Variants in TRHDE observed in about 807,000 individuals in gnomAD.
TRHDE encodes thyrotropin releasing hormone degrading enzyme, also known as thyrotropin-releasing hormone-degrading ectoenzyme.
TRHDE carries 72 observed loss-of-function variants against 125.7 expected under a neutral mutation model. That is an observed-to-expected ratio of 0.57 (90% CI 0.47 to 0.70). TRHDE has a LOEUF of 0.70. Among genes scored for constraint, TRHDE ranks in the 30% least tolerant of loss-of-function variants. TRHDE has a pLI of 0.00. For missense variants in TRHDE, 1,110 were observed against 1,327.1 expected, an observed-to-expected ratio of 0.84 and a Z score of 2.54; for synonymous variants, 509 against 509.1, an observed-to-expected ratio of 1.00 and a Z score of 0.00.
At chr12:72,508,467 G>A (rs1487036180) in intron 6 of TRHDE, among the ~76,000 whole-genome samples, 1 of 152,200 alleles carries the variant, frequency 6.6e-6, no homozygotes, top group African/African-American at 2.4e-5. Flanking sequence ...TCACTGCCCT[G>A]CTGGGTTTCA....
Position 72,509,277 on chromosome 12 carries a change from C to G in TRHDE, c.1722+9642C>G, listed in dbSNP as rs866008034. Among the ~76,000 whole-genome samples, 18 of 152,062 alleles carry G rather than the reference C, an allele frequency of 1.2e-4. No homozygotes were observed. The East Asian group carries it at 2.1e-3, about 18-fold the overall frequency. ...AATTCCATAATAACCACCGCACCCC[C>G]CCGCACACACAAAATGATAATAAAA... On this transcript the variant is annotated intron_variant, in intron 6 of 18. Transcript: ENST00000261180.
rs376002465 is a variant in TRHDE, at chr12:72,471,579, G to T, written c.1471-1488G>T. Among the ~76,000 whole-genome samples, 260 of 152,222 alleles carry T rather than the reference G, an allele frequency of 1.7e-3. 3 individuals are homozygous for T. The highest frequency in any genetic ancestry group is 5.9e-3 in the African/African-American group (246 of 41,542). On this transcript the variant is annotated intron_variant, in intron 4 of 18. Transcript: ENST00000261180. Reference sequence around the variant, plus strand: ...AGGAGAAACACTTAAAATAATTTCCGTTGTCATTAACCAATTAATTTCTAT... The same window carrying T: ...AGGAGAAACACTTAAAATAATTTCCTTTGTCATTAACCAATTAATTTCTAT...
intron 15 of TRHDE, among the ~76,000 whole-genome samples, chr12:72,639,825 A>G (rs949373454): frequency 5.5e-4 from 83 of 152,228 alleles, no homozygotes; most frequent in African/African-American, 1.5e-3. Flanking sequence ...GGGGGTCAGC[A>G]GTCAGGGACC....
At chr12:72,096,781 G>C (rs886436051) in intron 1 of TRHDE, among the ~76,000 whole-genome samples, 5 of 152,174 alleles carry the variant, frequency 3.3e-5, no homozygotes, top group African/African-American at 4.8e-5. Context: ...AAAGATCTGG[G>C]ATATAGGCGA....
At chr12:72,468,030 A>G (rs1378662465) in intron 3 of TRHDE, among the ~76,000 whole-genome samples, 1 of 152,190 alleles carries the variant, frequency 6.6e-6, no homozygotes, top group Non-Finnish European at 1.5e-5. Flanking sequence ...AAACATCACT[A>G]TTTAATTCAC....
intron 2 of TRHDE, among the ~76,000 whole-genome samples, chr12:72,337,121 A>T (rs914475574): frequency 2.6e-5 from 4 of 152,228 alleles, no homozygotes; most frequent in African/African-American, 9.6e-5. Flanking sequence ...TAGATGCAAC[A>T]GTGAATGACA....
chr12:72,167,734 C>T (rs1471031916), intron 2 of TRHDE: 1 of 152,186 alleles, frequency 6.6e-6, no homozygotes, highest in African/African-American at 2.4e-5. Flanking sequence ...AAACATATTT[C>T]TCCCATAATT....
At chr12:72,553,428 G>A (rs1382460610) in intron 7 of TRHDE, among the ~76,000 whole-genome samples, 3 of 152,132 alleles carry the variant, frequency 2.0e-5, no homozygotes, top group South Asian at 4.1e-4. Context: ...GAATCTGATA[G>A]ACAAATAACC....
At chr12:72,370,963 G>A (rs893670890) in intron 2 of TRHDE, among the ~76,000 whole-genome samples, 4 of 152,046 alleles carry the variant, frequency 2.6e-5, no homozygotes, top group African/African-American at 7.3e-5. Flanking sequence ...TGCGGGTCTC[G>A]AAATCCTGAC....
chr12:72,594,619 A>G (rs1480633762), intron 12 of TRHDE, among the ~76,000 whole-genome samples: 1 of 151,878 alleles, frequency 6.6e-6, no homozygotes, highest in Non-Finnish European at 1.5e-5. Context: ...TTCATTTAAA[A>G]TTAAAAGTAT....
At chr12:72,202,458 A>G (rs1877579120) in intron 2 of TRHDE, among the ~76,000 whole-genome samples, 1 of 152,230 alleles carries the variant, frequency 6.6e-6, no homozygotes, top group African/African-American at 2.4e-5. Flanking sequence ...AATATAGCTT[A>G]GAAAGTCAAA....
intron 7 of TRHDE, among the ~76,000 whole-genome samples, chr12:72,545,299 A>G (rs1869362267): frequency 6.6e-6 from 1 of 151,564 alleles, no homozygotes; most frequent in African/African-American, 2.4e-5. Flanking sequence ...ATGAGGCAAT[A>G]GAATAAATAA....
chr12:72,348,142 A>G (rs1169925086), intron 2 of TRHDE, among the ~76,000 whole-genome samples: 1 of 152,062 alleles, frequency 6.6e-6, no homozygotes, highest in Non-Finnish European at 1.5e-5. Flanking sequence ...ATATATATAC[A>G]CACACATTGT....
chr12:72,637,923 A>C (rs920356590), intron 15 of TRHDE, among the ~76,000 whole-genome samples: 100 of 152,256 alleles, frequency 6.6e-4, no homozygotes, highest in African/African-American at 2.3e-3. Context: ...TTTACTTCCA[A>C]GTATGTGGTC....
At chr12:72,633,451 T>C (rs1873582548) in intron 15 of TRHDE, among the ~76,000 whole-genome samples, 1 of 152,114 alleles carries the variant, frequency 6.6e-6, no homozygotes, top group African/African-American at 2.4e-5. Flanking sequence ...GACTGTTTTT[T>C]GGACTACCTT....
chr12:72,128,539 C>T (rs79517372), intron 2 of TRHDE, among the ~76,000 whole-genome samples: 6,839 of 152,142 alleles, frequency 0.045, 294 homozygotes, highest in South Asian at 0.11. Flanking sequence ...GATTAAACTA[C>T]GTCATATGTT....
chr12:72,524,585 T>A (rs954836580), intron 6 of TRHDE, among the ~76,000 whole-genome samples: 1 of 152,178 alleles, frequency 6.6e-6, no homozygotes, highest in Non-Finnish European at 1.5e-5. Flanking sequence ...GATGGTAAAT[T>A]CAGTTTTATA....
chr12:72,173,549 G>A (rs556380932), intron 2 of TRHDE, among the ~76,000 whole-genome samples: 28 of 152,212 alleles, frequency 1.8e-4, no homozygotes, highest in African/African-American at 5.8e-4. Flanking sequence ...TATCCCACCC[G>A]CATTGTTCCT....
chr12:72,159,244 G>C (rs1876584982), intron 2 of TRHDE, among the ~76,000 whole-genome samples: 2 of 152,182 alleles, frequency 1.3e-5, no homozygotes, highest in Non-Finnish European at 2.9e-5. Flanking sequence ...ATTAACCACA[G>C]AATATGTTGA....
Sources: allele counts gnomAD v4.1 joint callset (sites outside exome capture counted in the v4.1 genomes callset), GRCh38; gene constraint gnomAD v4.1.1; transcripts MANE v1.5; gene names NCBI Gene and HGNC (gene_info 2026-07-23, HGNC 2026-07-21).